ERBB4: variants seen among roughly 807,000 people sequenced by gnomAD.
ERBB4 encodes erb-b2 receptor tyrosine kinase 4, also known as receptor tyrosine-protein kinase erbB-4.
ERBB4 carries 42 observed loss-of-function variants against 158.0 expected under a neutral mutation model. That is an observed-to-expected ratio of 0.27 (90% CI 0.21 to 0.34). ERBB4 has a LOEUF of 0.34. Among genes scored for constraint, ERBB4 ranks in the 10% least tolerant of loss-of-function variants. The probability of loss-of-function intolerance (pLI) is 1.00; values close to 1 mark genes in which losing one functional copy is unlikely to be tolerated. For missense variants in ERBB4, 1,333 were observed against 1,624.1 expected (o/e 0.82, Z 3.08); for synonymous variants, 583 against 558.7 (o/e 1.04, Z -0.61).
chr2:212,387,608 G>C lies in ERBB4; in HGVS notation c.82+150841C>G, dbSNP rs532971400. The stretch of plus-strand genomic sequence containing the variant: ...AATTTTTGTATTTTTAGTAGAGACG[G>C]GGTTTTGTCATTTTGGTCAGGCTTG... On this transcript the variant is annotated intron_variant, in intron 1 of 27. Transcript: ENST00000342788. Among the ~76,000 whole-genome samples, 6 of 152,080 alleles carry C rather than the reference G, an allele frequency of 3.9e-5. No homozygotes were observed. The East Asian group carries it at 1.2e-3, about 29-fold the overall frequency.
intron 1 of ERBB4, among the ~76,000 whole-genome samples, chr2:212,288,455 C>T (rs1008047477): frequency 3.9e-5 from 6 of 152,170 alleles, no homozygotes; most frequent in African/African-American, 1.2e-4. Flanking sequence ...GGCAGAAGCT[C>T]CCACAGGCCT....
chr2:211,904,297 C>G (rs2079316959), intron 3 of ERBB4, among the ~76,000 whole-genome samples: 1 of 152,080 alleles, frequency 6.6e-6, no homozygotes, highest in Admixed American at 6.6e-5. Context: ...ACCTCAAAAA[C>G]TAATGAACTC....
At chr2:211,526,148 A>G (rs2066342494) in intron 20 of ERBB4, among the ~76,000 whole-genome samples, 1 of 152,078 alleles carries the variant, frequency 6.6e-6, no homozygotes, top group South Asian at 2.1e-4. Flanking sequence ...GGTGAGACTC[A>G]GGGCTATGCT....
intron 20 of ERBB4, among the ~76,000 whole-genome samples, chr2:211,497,577 T>C (rs562106582): frequency 6.6e-6 from 1 of 152,188 alleles, no homozygotes; most frequent in African/African-American, 2.4e-5. Flanking sequence ...AAGCACATTA[T>C]AAAAAAGTTT....
intron 1 of ERBB4, among the ~76,000 whole-genome samples, chr2:212,421,231 T>G (rs1171130546): frequency 6.6e-6 from 1 of 152,152 alleles, no homozygotes; most frequent in Non-Finnish European, 1.5e-5. Flanking sequence ...CTGGTTATAT[T>G]TGTTTAATTG....
At chr2:211,738,704 T>C (rs1247913680) in intron 5 of ERBB4, among the ~76,000 whole-genome samples, 3 of 151,200 alleles carry the variant, frequency 2.0e-5, no homozygotes, top group Non-Finnish European at 2.9e-5. Context: ...GTTTCCTCTG[T>C]CGCCCAGACT....
chr2:211,838,867 C>A (rs540773903), intron 3 of ERBB4, among the ~76,000 whole-genome samples: 15 of 152,092 alleles, frequency 9.9e-5, no homozygotes, highest in African/African-American at 3.6e-4. Context: ...TTGGCTAGAA[C>A]TGAAGCTATT....
chr2:211,604,052 T>C (rs1018942457), intron 19 of ERBB4, among the ~76,000 whole-genome samples: 1 of 152,166 alleles, frequency 6.6e-6, no homozygotes, highest in South Asian at 2.1e-4. Flanking sequence ...TTTATATCAT[T>C]TTATGTTTTT....
At chr2:211,944,213 TAC>T (rs1281992779) in intron 3 of ERBB4, among the ~76,000 whole-genome samples, 7 of 29,086 alleles carry the variant, frequency 2.4e-4, no homozygotes, top group African/African-American at 1.0e-3. Flanking sequence ...TATATATATA[TAC>T]ACACACACAC....
At chr2:212,339,083 G>A (rs1047086790) in intron 1 of ERBB4, among the ~76,000 whole-genome samples, 1 of 152,058 alleles carries the variant, frequency 6.6e-6, no homozygotes, top group African/African-American at 2.4e-5. Context: ...GTGTGCCATG[G>A]TGGTTTGCTG....
chr2:212,463,421 T>C (rs186036701), intron 1 of ERBB4, among the ~76,000 whole-genome samples: 2 of 152,270 alleles, frequency 1.3e-5, no homozygotes, highest in East Asian at 1.9e-4. Context: ...TATGTATATA[T>C]GCTTTAGATT....
chr2:211,463,109 A>T (rs1246995258), intron 20 of ERBB4, among the ~76,000 whole-genome samples: 1 of 152,176 alleles, frequency 6.6e-6, no homozygotes, highest in Non-Finnish European at 1.5e-5. Context: ...TTAGAAACTC[A>T]GGTGGAAGAT....
intron 3 of ERBB4, among the ~76,000 whole-genome samples, chr2:211,872,871 C>A (rs967826522): frequency 6.6e-5 from 10 of 151,240 alleles, no homozygotes; most frequent in African/African-American, 2.4e-4. Flanking sequence ...TGATAAACTA[C>A]ACAAGGTGGA....
rs769647599 is a variant in ERBB4 at position 211,722,473 on chromosome 2, T to C, written c.803A>G (p.Tyr268Cys). The change falls in exon 7 of 28, where the codon TAC becomes TGC. Residue 268 changes from tyrosine (Y) to cysteine (C), a missense_variant. Coordinates refer to ENST00000342788, the MANE Select transcript of ERBB4 (RefSeq NM_005235.3). ...CTCCAGTTGAAAGGTGGTTGGATTG[T>C]AGACAAAGGTTTGGGGACACTGAGT... Reference protein sequence around the residue: ...CVTQCPQTFVYNPTTFQLEHN... With the variant: ...CVTQCPQTFVCNPTTFQLEHN... 1.9e-6 allele frequency: 3 copies of C among 1,613,976 alleles called. No individual in the cohort carries two copies. Among genetic ancestry groups the C allele is most frequent in the Non-Finnish European group, 2.5e-6 (3 of 1,179,836 alleles).
intron 2 of ERBB4, among the ~76,000 whole-genome samples, chr2:212,019,581 G>A (rs2076601146): frequency 6.6e-6 from 1 of 151,858 alleles, no homozygotes; most frequent in South Asian, 2.1e-4. Context: ...TGGGCAACAT[G>A]GTGAAACCCC....
At chr2:211,772,119 G>T (rs1264234440) in intron 4 of ERBB4, among the ~76,000 whole-genome samples, 2 of 152,088 alleles carry the variant, frequency 1.3e-5, no homozygotes, top group African/African-American at 4.8e-5. Flanking sequence ...CTGTATGGTG[G>T]AAATACTACA....
chr2:211,977,669 T>C (rs934817923), intron 2 of ERBB4, among the ~76,000 whole-genome samples: 2 of 150,808 alleles, frequency 1.3e-5, no homozygotes, highest in African/African-American at 4.9e-5. Flanking sequence ...AAACCCCATC[T>C]CTACTAAAAA....
At chr2:212,223,332 T>TTA (rs58824300) in intron 1 of ERBB4, among the ~76,000 whole-genome samples, 30,466 of 144,002 alleles carry the variant, frequency 0.21, 3,359 homozygotes, top group South Asian at 0.43. Flanking sequence ...CTTATTAAGC[T>TTA]TATATATATA....
chr2:212,003,115 AGG>A (rs1269694225), intron 2 of ERBB4, among the ~76,000 whole-genome samples: 498 of 15,326 alleles, frequency 0.032, 42 homozygotes, highest in Middle Eastern at 0.11. Flanking sequence ...GAAAGAAAGA[AGG>A]AAGGAAGGAA....
Sources: gnomAD v4.1 joint callset for allele counts (sites outside exome capture counted in the v4.1 genomes callset) on GRCh38, gnomAD v4.1.1 for gene constraint, MANE v1.5 for transcripts, NCBI Gene and HGNC (gene_info 2026-07-23, HGNC 2026-07-21) for gene names.